NBEAL1: variants seen among roughly 807,000 people sequenced by gnomAD.
NBEAL1 encodes the protein neurobeachin like 1.
In NBEAL1, 273 loss-of-function variants were observed where a neutral mutation model predicts 351.3. The observed-to-expected ratio is 0.78, with a 90% CI of 0.70 to 0.86. NBEAL1 has a LOEUF of 0.86. Ranked by LOEUF, NBEAL1 falls within the 40% of genes least tolerant of loss-of-function variation. The pLI is 0.00. For synonymous variants in NBEAL1, 1,050 were observed against 1,086.4 expected (o/e 0.97, Z 0.66); for missense variants, 2,961 against 3,201.3 (o/e 0.92, Z 1.81).
At chr2:203,136,315 CTTA>C in intron 28 of NBEAL1, 63 bp downstream of exon 28, 1 of 1,151,238 alleles carries the variant, frequency 8.7e-7, no homozygotes, top group Non-Finnish European at 1.2e-6. Flanking sequence ...ACTTCTAATC[CTTA>C]GAAATATGTG....
intron 35 of NBEAL1, among the ~76,000 whole-genome samples, chr2:203,154,719 C>T (rs1432539652): frequency 6.6e-6 from 1 of 151,912 alleles, no homozygotes; most frequent in Non-Finnish European, 1.5e-5. Flanking sequence ...TAAATATATT[C>T]TTAAATGTAT....
At chr2:203,123,063 A>G (rs1343302868) in intron 19 of NBEAL1, among the ~76,000 whole-genome samples, 1 of 151,772 alleles carries the variant, frequency 6.6e-6, no homozygotes, top group Non-Finnish European at 1.5e-5. Flanking sequence ...AATATAAAAG[A>G]TAATTATAAG....
At chr2:203,207,722 G>C (rs972245023) in intron 51 of NBEAL1, among the ~76,000 whole-genome samples, 18 of 152,150 alleles carry the variant, frequency 1.2e-4, no homozygotes, top group African/African-American at 3.1e-4. Flanking sequence ...CAGCATGCTC[G>C]TTAAGAGTCA....
chr2:203,144,136 A>T (rs1241642231), intron 31 of NBEAL1, among the ~76,000 whole-genome samples: 3 of 146,968 alleles, frequency 2.0e-5, no homozygotes, highest in Non-Finnish European at 4.5e-5. Context: ...GCTTGAACCC[A>T]GGAGGTGGAG....
intron 12 of NBEAL1, 108 bp downstream of exon 12, chr2:203,099,820 G>T: frequency 1.4e-6 from 1 of 701,436 alleles, no homozygotes; most frequent in South Asian, 2.1e-5. Flanking sequence ...ATGGGGATTT[G>T]GTGTACAGAT....
chr2:203,095,306 G>C (rs1167536226), intron 10 of NBEAL1, among the ~76,000 whole-genome samples: 1 of 151,878 alleles, frequency 6.6e-6, no homozygotes, highest in African/African-American at 2.4e-5. Flanking sequence ...TTGTTTGTTT[G>C]TTTTTGAGGC....
chr2:203,042,838 G>T (rs575199877), intron 3 of NBEAL1, among the ~76,000 whole-genome samples: 1 of 151,966 alleles, frequency 6.6e-6, no homozygotes, highest in Non-Finnish European at 1.5e-5. Flanking sequence ...CACCTGCCTC[G>T]GACTCCCAAA....
In NBEAL1 at chr2:203,079,501, C is replaced by T. The variant is rs190397731; in HGVS notation, c.684+1664C>T. Among the ~76,000 whole-genome samples, 47 of 152,094 alleles carry T rather than the reference C, an allele frequency of 3.1e-4. No individual in the cohort carries two copies. The East Asian group carries it at 6.2e-3, about 20-fold the overall frequency. On this transcript the variant is annotated intron_variant, in intron 8 of 55. Coordinates refer to ENST00000683969, the MANE Select transcript of NBEAL1 (RefSeq NM_001378026.1). ...ATTAAGATATCTGGTTTTTTCCATCCAAGTTTATAAATCTCTATAATTCCC... is the reference window on the plus strand; with the variant it reads ...ATTAAGATATCTGGTTTTTTCCATCTAAGTTTATAAATCTCTATAATTCCC...
At chr2:203,022,071 A>G (rs548148594) in intron 2 of NBEAL1, among the ~76,000 whole-genome samples, 9 of 152,026 alleles carry the variant, frequency 5.9e-5, no homozygotes, top group African/African-American at 2.2e-4. Context: ...AAAAGAAAGA[A>G]AAAGAAAAAG....
chr2:203,068,583 A>G, intron 7 of NBEAL1, 108 bp downstream of exon 7: 1 of 582,234 alleles, frequency 1.7e-6, no homozygotes. Flanking sequence ...TTTATAAAAT[A>G]ATGGTTGTAA....
At position 203,126,661 on chromosome 2, in the gene NBEAL1, A is replaced by C; in HGVS notation, c.3090A>C (p.Gln1030His). The change falls in exon 22 of 56, where the codon CAA becomes CAC. Residue 1030 changes from glutamine to histidine, a missense_variant. Transcript: ENST00000683969. ...KNMQLLQQMY[Q>H]YLLFDFRIWN... is the part of the protein sequence containing the mutation. ...TGCAGCTCCTGCAACAAATGTATCA[A>C]TATTTACTCTTTGACTTTCGTATTT... The C allele has an allele frequency of 6.5e-7, 1 of 1,530,112 alleles. No individual in the cohort carries two copies. Among genetic ancestry groups the C allele is most frequent in the Non-Finnish European group, 8.8e-7 (1 of 1,138,992 alleles). The allele number at this position is 1,530,112 out of a possible 1,614,324, so 94.8% of individuals were successfully genotyped here.
chr2:203,087,395 T>G (rs955374840), intron 10 of NBEAL1, among the ~76,000 whole-genome samples: 1 of 152,088 alleles, frequency 6.6e-6, no homozygotes, highest in East Asian at 1.9e-4. Context: ...CCGGCCCCTT[T>G]TCACCCTTAT....
chr2:203,090,996 T>C (rs1429757225), intron 10 of NBEAL1, among the ~76,000 whole-genome samples: 3 of 152,130 alleles, frequency 2.0e-5, no homozygotes, highest in Non-Finnish European at 4.4e-5. Flanking sequence ...TTAAAATATA[T>C]AAAACATAAA....
intron 4 of NBEAL1, among the ~76,000 whole-genome samples, chr2:203,054,342 C>T (rs931536992): frequency 6.6e-6 from 1 of 151,678 alleles, no homozygotes; most frequent in African/African-American, 2.4e-5. Context: ...GGAAGAATCG[C>T]TTTAACCCAG....
chr2:203,206,868 G>A (rs2065593051), intron 51 of NBEAL1, among the ~76,000 whole-genome samples: 1 of 150,688 alleles, frequency 6.6e-6, no homozygotes, highest in Admixed American at 6.6e-5. Flanking sequence ...GAGGGTCTCT[G>A]CCTGGCCGCC....
chr2:203,190,150 AG>A (rs1330320788), intron 45 of NBEAL1, 141 bp from the exon 46 acceptor site: 7 of 542,722 alleles, frequency 1.3e-5, no homozygotes, highest in Admixed American at 7.5e-5. Context: ...AAAAAAAAAA[AG>A]ATGTGTGTAC....
intron 34 of NBEAL1, among the ~76,000 whole-genome samples, 190 bp downstream of exon 34, chr2:203,149,338 A>G (rs899082566): frequency 5.3e-5 from 8 of 152,044 alleles, no homozygotes; most frequent in African/African-American, 1.9e-4. Flanking sequence ...GTTTTTTATC[A>G]TACAGTTATT....
At chr2:203,157,677 A>G in intron 35 of NBEAL1, 22 bp from the exon 36 acceptor site, 1 of 1,541,834 alleles carries the variant, frequency 6.5e-7, no homozygotes, top group Non-Finnish European at 8.7e-7. Context: ...TATGTTTAAT[A>G]GATATTTTGT....
chr2:203,122,960 G>A (rs2106275102), intron 19 of NBEAL1, among the ~76,000 whole-genome samples: 1 of 152,078 alleles, frequency 6.6e-6, no homozygotes, highest in East Asian at 1.9e-4. Context: ...AATTAGTAAA[G>A]GTTGTTTAGG....
Sources: allele counts gnomAD v4.1 joint callset (sites outside exome capture counted in the v4.1 genomes callset), GRCh38; gene constraint gnomAD v4.1.1; transcripts MANE v1.5; gene names NCBI Gene and HGNC (gene_info 2026-07-23, HGNC 2026-07-21).